The following RANBP17 variants were observed in gnomAD, a reference collection of about 807,000 sequenced individuals.
RANBP17 encodes RAN binding protein 17.
In RANBP17, 158 loss-of-function variants were observed where a neutral mutation model predicts 141.2. The observed-to-expected ratio is 1.12, with a 90% CI of 0.98 to 1.28. The LOEUF is 1.28. Among genes scored for constraint, RANBP17 ranks in the 50% most tolerant of loss-of-function variants. The pLI, the probability that RANBP17 is intolerant of heterozygous loss-of-function variation, is 0.00. For synonymous variants in RANBP17, 430 were observed against 450.0 expected (o/e 0.96, Z 0.56); for missense variants, 1,438 against 1,290.7 (o/e 1.11, Z -1.75).
chr5:170,894,842 A>G (rs1481358112), intron 4 of RANBP17, among the ~76,000 whole-genome samples: 2 of 152,216 alleles, frequency 1.3e-5, no homozygotes, highest in Non-Finnish European at 2.9e-5. Flanking sequence ...AAATGAACAT[A>G]GTGCCTTCTT....
At position 170,964,812 on chromosome 5, in the gene RANBP17, G is replaced by C. The variant is rs530968045; in HGVS notation, c.1575-3430G>C. Among the ~76,000 whole-genome samples the C allele has an allele frequency of 2.3e-3, 345 of 152,272 alleles. 1 individual carries two copies. Among genetic ancestry groups the C allele is most frequent in the African/African-American group, 7.5e-3 (311 of 41,544 alleles). On this transcript the variant is annotated intron_variant, in intron 13 of 27. Transcript: ENST00000523189. ...CAGTCTATCATTGTTGGACATTTGG[G>C]TTGGTTCCAAGTCTTTGCTATTGTG... is the stretch of plus-strand genomic sequence containing the variant.
intron 14 of RANBP17, among the ~76,000 whole-genome samples, chr5:171,054,220 T>C (rs1783190900): frequency 6.6e-6 from 1 of 152,144 alleles, no homozygotes; most frequent in South Asian, 2.1e-4. Context: ...TGTTCACTTG[T>C]TCATTTTTAA....
At chr5:170,954,813 A>G (rs1190188820) in intron 13 of RANBP17, among the ~76,000 whole-genome samples, 2 of 152,274 alleles carry the variant, frequency 1.3e-5, no homozygotes, top group African/African-American at 4.8e-5. Flanking sequence ...AAAGACTTTC[A>G]ATACTCAATA....
At chr5:171,295,791 C>A in intron 26 of RANBP17, 96 bp from the exon 27 acceptor site, 1 of 1,365,910 alleles carries the variant, frequency 7.3e-7, no homozygotes. Context: ...CATTAGTGAG[C>A]CCTGAGTAGA....
At chr5:171,074,943 C>G (rs1051412423) in intron 14 of RANBP17, among the ~76,000 whole-genome samples, 1 of 152,174 alleles carries the variant, frequency 6.6e-6, no homozygotes, top group Non-Finnish European at 1.5e-5. Context: ...CATGCTGTCT[C>G]AATCCATGTT....
chr5:171,156,729 A>C (rs1758929033), intron 14 of RANBP17, among the ~76,000 whole-genome samples: 2 of 152,192 alleles, frequency 1.3e-5, no homozygotes, highest in South Asian at 4.1e-4. Context: ...GTAATAAATA[A>C]AAGAAAGTGA....
chr5:170,863,516 C>A (rs1202370698), intron 1 of RANBP17: 1 of 152,146 alleles, frequency 6.6e-6, no homozygotes, highest in Admixed American at 6.5e-5. Flanking sequence ...TACCTTTTGA[C>A]TTCATGCCAT....
chr5:170,901,560 A>G (rs1193032364), intron 5 of RANBP17, among the ~76,000 whole-genome samples: 2 of 152,208 alleles, frequency 1.3e-5, no homozygotes, highest in African/African-American at 2.4e-5. Context: ...TGATCCTGTC[A>G]TTATGATTGT....
At chr5:171,251,217 T>C (rs1257642838) in intron 24 of RANBP17, among the ~76,000 whole-genome samples, 3 of 151,942 alleles carry the variant, frequency 2.0e-5, no homozygotes, top group Non-Finnish European at 4.4e-5. Context: ...GCCTCCCAAG[T>C]AGCTGGGACT....
At chr5:171,234,506 T>C (rs1230207280) in intron 22 of RANBP17, among the ~76,000 whole-genome samples, 1 of 152,218 alleles carries the variant, frequency 6.6e-6, no homozygotes, top group Non-Finnish European at 1.5e-5. Flanking sequence ...ATTAAAGTTA[T>C]AAGCAGGGAA....
intron 13 of RANBP17, among the ~76,000 whole-genome samples, chr5:170,957,698 T>G (rs1224553555): frequency 6.6e-6 from 1 of 152,210 alleles, no homozygotes; most frequent in East Asian, 1.9e-4. Context: ...AGCTGTATTG[T>G]TAAAGTGCTA....
chr5:171,244,333 G>A (rs1020495398), intron 24 of RANBP17, among the ~76,000 whole-genome samples: 6 of 151,940 alleles, frequency 3.9e-5, no homozygotes, highest in African/African-American at 9.7e-5. Flanking sequence ...AGCCAAGATC[G>A]CACCACTGCA....
chr5:170,944,510 T>G (rs1208103786), intron 12 of RANBP17, among the ~76,000 whole-genome samples: 1 of 152,178 alleles, frequency 6.6e-6, no homozygotes, highest in Non-Finnish European at 1.5e-5. Context: ...TGAAGTGATG[T>G]GCCTGCCTCA....
chr5:171,141,775 A>T (rs1239469539), intron 14 of RANBP17, among the ~76,000 whole-genome samples: 2 of 152,146 alleles, frequency 1.3e-5, no homozygotes, highest in Admixed American at 1.3e-4. Flanking sequence ...CCAACATTCA[A>T]CTAAGTCACT....
At chr5:170,889,714 C>T (rs1000844342) in intron 3 of RANBP17, among the ~76,000 whole-genome samples, 3 of 152,126 alleles carry the variant, frequency 2.0e-5, no homozygotes, top group African/African-American at 7.2e-5. Context: ...TAGTGTGTAG[C>T]TTTCCAACTT....
At chr5:171,195,667 C>T (rs1314360474) in intron 18 of RANBP17, among the ~76,000 whole-genome samples, 2 of 152,214 alleles carry the variant, frequency 1.3e-5, no homozygotes, top group Non-Finnish European at 2.9e-5. Context: ...GTCCCCATCT[C>T]TGATGCCTTC....
intron 14 of RANBP17, among the ~76,000 whole-genome samples, chr5:170,975,759 T>C (rs1172419235): frequency 6.6e-6 from 1 of 152,200 alleles, no homozygotes; most frequent in Non-Finnish European, 1.5e-5. Flanking sequence ...GCATTTTTTC[T>C]GCAGCTCTGT....
At chr5:170,938,783 T>G (rs538309941) in intron 12 of RANBP17, among the ~76,000 whole-genome samples, 10 of 151,358 alleles carry the variant, frequency 6.6e-5, no homozygotes, top group African/African-American at 2.4e-4. Flanking sequence ...AAAAGGAAAA[T>G]GAAAATATTA....
chr5:171,154,420 G>C (rs143741180), intron 14 of RANBP17, among the ~76,000 whole-genome samples: 252 of 152,166 alleles, frequency 1.7e-3, no homozygotes, highest in African/African-American at 5.7e-3. Context: ...GAGATTACAG[G>C]CATGCGCCAC....
Sources: allele counts gnomAD v4.1 joint callset (sites outside exome capture counted in the v4.1 genomes callset), GRCh38; gene constraint gnomAD v4.1.1; transcripts MANE v1.5; gene names NCBI Gene and HGNC (gene_info 2026-07-23, HGNC 2026-07-21).